Variants in PTPRQ observed in about 807,000 individuals in gnomAD.
PTPRQ encodes the protein phosphatidylinositol phosphatase PTPRQ.
Under a neutral mutation model 246.0 loss-of-function variants are expected in PTPRQ, and 199 were observed. The observed-to-expected ratio is 0.81, with a 90% CI of 0.72 to 0.91. The LOEUF is 0.91. PTPRQ is among the 40% of genes least tolerant of loss of function. PTPRQ has a pLI of 0.00. For synonymous variants in PTPRQ, 869 were observed against 853.2 expected (o/e 1.02, Z -0.32); for missense variants, 2,624 against 2,528.4 (o/e 1.04, Z -0.81).
At position 80,546,662 on chromosome 12, in the gene PTPRQ, T is replaced by C; in HGVS notation, c.3980T>C (p.Phe1327Ser). Residue 1327 changes from phenylalanine to serine, a missense_variant, in exon 24 of 45, where the codon TTT becomes TCT. Physicochemically the swap from Phe to Ser is radical, Grantham distance 155. Transcript: ENST00000644991. ...ACCAAAGTTGGAAATGGCAATCAATTTAGTAATGTAGTAAAATTCACAACC... is the reference window on the plus strand; with the variant it reads ...ACCAAAGTTGGAAATGGCAATCAATCTAGTAATGTAGTAAAATTCACAACC... The part of the protein sequence containing the change: ...AFTKVGNGNQ[F>S]SNVVKFTTQE... 1 of 1,551,440 alleles carries C rather than the reference T, an allele frequency of 6.4e-7. No homozygotes were observed.
At position 80,546,589 on chromosome 12, in the gene PTPRQ, G is replaced by T; in HGVS notation, c.3907G>T (p.Val1303Phe). The change falls in exon 24 of 45, where the codon GTT becomes TTT. Residue 1303 changes from valine to phenylalanine, a missense_variant. Val to Phe is a conservative substitution (Grantham distance 50). Coordinates refer to ENST00000644991, the MANE Select transcript of PTPRQ (RefSeq NM_001145026.2). ...AGGATTTAAAACTGAAGCCAAACTT[G>T]TTGGACTGGAACCAGTCAGCACCTA... ...ISGFKTEAKLVGLEPVSTYSI... is the reference protein window; with the variant it reads ...ISGFKTEAKLFGLEPVSTYSI... 1 of 1,548,388 alleles carries T rather than the reference G, an allele frequency of 6.5e-7. No homozygotes were observed. Among genetic ancestry groups the T allele is most frequent in the East Asian group, 2.5e-5 (1 of 40,778 alleles).
In PTPRQ at chr12:80,641,864, ACTCT is replaced by A. The variant is rs759676451; in HGVS notation, c.5915+6806_5915+6809del. On this transcript the variant is annotated intron_variant, in intron 35 of 44. Coordinates refer to ENST00000644991, the MANE Select transcript of PTPRQ (RefSeq NM_001145026.2). ...CTCCTTCTCTCTTTCTCTCTCTCTC[ACTCT>A]CTCTCTCTCTCTCTTGCTCTCTCTC... Among the ~76,000 whole-genome samples the A allele has an allele frequency of 3.2e-3, 353 of 109,120 alleles. 2 individuals carry two copies. In the East Asian group the frequency reaches 0.056, roughly 17 times the overall value. The allele number at this position is 109,120 out of a possible 152,430, so 71.6% of individuals were successfully genotyped here. A position where few individuals can be genotyped will look rare whatever the true frequency, so the allele number is the denominator to read the frequency against.
chr12:80,479,765 C>G (rs900426643), intron 8 of PTPRQ, among the ~76,000 whole-genome samples: 112 of 151,698 alleles, frequency 7.4e-4, no homozygotes, highest in African/African-American at 2.5e-3. Flanking sequence ...CAATAAAGAT[C>G]AAAAGAGACA....
chr12:80,524,543 T>C (rs1019643044), intron 17 of PTPRQ, among the ~76,000 whole-genome samples: 1 of 152,166 alleles, frequency 6.6e-6, no homozygotes, highest in Non-Finnish European at 1.5e-5. Flanking sequence ...CTGTTGTGTC[T>C]AACAGTAAGT....
chr12:80,586,325 G>A (rs1897617208), intron 25 of PTPRQ, among the ~76,000 whole-genome samples: 1 of 151,222 alleles, frequency 6.6e-6, no homozygotes, highest in African/African-American at 2.4e-5. Context: ...TCAGAGAAAT[G>A]CAAATCAAAA....
At chr12:80,485,491 G>T (rs1454598310) in intron 9 of PTPRQ, among the ~76,000 whole-genome samples, 1 of 152,128 alleles carries the variant, frequency 6.6e-6, no homozygotes, top group African/African-American at 2.4e-5. Flanking sequence ...CCCCACACAT[G>T]CTTTCATTCT....
At chr12:80,473,903 C>T (rs543675431) in intron 8 of PTPRQ, among the ~76,000 whole-genome samples, 2 of 152,328 alleles carry the variant, frequency 1.3e-5, no homozygotes, top group Admixed American at 1.3e-4. Flanking sequence ...GTCACTCCTC[C>T]TATAGATCAC....
At chr12:80,673,662 A>G (rs1023411799) in intron 43 of PTPRQ, among the ~76,000 whole-genome samples, 2 of 152,182 alleles carry the variant, frequency 1.3e-5, no homozygotes, top group African/African-American at 4.8e-5. Context: ...TTGAAAAGTT[A>G]TAAATGGGAA....
At chr12:80,649,506 T>G in intron 36 of PTPRQ, 82 bp from the exon 37 acceptor site, 1 of 1,475,944 alleles carries the variant, frequency 6.8e-7, no homozygotes, top group Non-Finnish European at 9.0e-7. Flanking sequence ...CTTTAACTTG[T>G]TAAAAGTGAA....
chr12:80,610,199 G>A (rs1382235073), intron 27 of PTPRQ, among the ~76,000 whole-genome samples: 1 of 150,314 alleles, frequency 6.7e-6, no homozygotes, highest in Non-Finnish European at 1.5e-5. Context: ...TTTATTTAAT[G>A]GGTTGGTTAA....
intron 8 of PTPRQ, among the ~76,000 whole-genome samples, chr12:80,481,147 C>G (rs902874192): frequency 4.6e-5 from 7 of 152,190 alleles, no homozygotes; most frequent in African/African-American, 7.2e-5. Context: ...CAAAACGAAT[C>G]CAGCAGCACA....
chr12:80,625,261 G>T (rs1020913674), intron 33 of PTPRQ, among the ~76,000 whole-genome samples: 1 of 152,104 alleles, frequency 6.6e-6, no homozygotes, highest in African/African-American at 2.4e-5. Context: ...TGGGATATAT[G>T]AATCATTTGC....
At position 80,445,507 on chromosome 12, in the gene PTPRQ, C is replaced by T; in HGVS notation, c.180C>T (p.Val60=). 6.5e-7 allele frequency: 1 copy of T among 1,542,286 alleles called. No homozygotes were observed. Among genetic ancestry groups the T allele is most frequent in the Non-Finnish European group, 8.7e-7 (1 of 1,143,630 alleles). ...TAAAAATAGAACCAGGGCCTCCAGT[C>T]TTCCTAGCCGGGGAAAGAGTCGGAT... is the stretch of plus-strand genomic sequence containing the variant. The part of the protein sequence containing the change: ...TTNVTKPGPP[V]FLAGERVGSA... Residue 60 remains valine (V), a synonymous_variant, in exon 3 of 45, where the codon GTC becomes GTT. Transcript: ENST00000644991.
chr12:80,469,255 AT>A (rs1893546875), intron 7 of PTPRQ, among the ~76,000 whole-genome samples: 1 of 152,152 alleles, frequency 6.6e-6, no homozygotes, highest in Non-Finnish European at 1.5e-5. Context: ...TAAAAATAAC[AT>A]GGAAAATCTC....
At position 80,613,923 on chromosome 12, in the gene PTPRQ, C is replaced by T. The variant is rs1898652053; in HGVS notation, c.5163+87C>T. 1.7e-5 allele frequency: 23 copies of T among 1,346,768 alleles called. No individual in the cohort carries two copies. In the South Asian group the frequency reaches 4.7e-4, roughly 27 times the overall value. The allele number at this position is 1,346,768 out of a possible 1,614,324, so 83.4% of individuals were successfully genotyped here. ...TTAAAAATATTGCAGTTTGTGTACA[C>T]ATGACATTTCCCATATCTTTTTGTG... On this transcript the variant is annotated intron_variant, in intron 29 of 44. Coordinates refer to ENST00000644991, the MANE Select transcript of PTPRQ (RefSeq NM_001145026.2).
intron 35 of PTPRQ, among the ~76,000 whole-genome samples, chr12:80,639,234 C>T (rs1899768887): frequency 6.6e-6 from 1 of 152,194 alleles, no homozygotes; most frequent in African/African-American, 2.4e-5. Flanking sequence ...GCTAAAAATG[C>T]TATTTGCTAA....
At chr12:80,468,918 A>C in intron 7 of PTPRQ, 80 bp downstream of exon 7, 1 of 1,484,952 alleles carries the variant, frequency 6.7e-7, no homozygotes, top group Non-Finnish European at 8.9e-7. Flanking sequence ...TCTGTTTAAA[A>C]GTATCAGACT....
chr12:80,657,923 G>A (rs1045312055), intron 38 of PTPRQ, 62 bp from the exon 39 acceptor site: 3 of 1,188,900 alleles, frequency 2.5e-6, no homozygotes, highest in African/African-American at 3.2e-5. Context: ...TACTTTTATA[G>A]TAAAAAAAGT....
At chr12:80,494,666 A>G (rs1398805242) in intron 10 of PTPRQ, among the ~76,000 whole-genome samples, 1 of 151,926 alleles carries the variant, frequency 6.6e-6, no homozygotes, top group East Asian at 1.9e-4. Context: ...AATGTGTAAA[A>G]ACTAACAAAA....
Sources: gnomAD v4.1 joint callset for allele counts (sites outside exome capture counted in the v4.1 genomes callset) on GRCh38, gnomAD v4.1.1 for gene constraint, MANE v1.5 for transcripts, NCBI Gene and HGNC (gene_info 2026-07-23, HGNC 2026-07-21) for gene names.